Variants in VCPKMT observed in about 807,000 individuals in gnomAD.
VCPKMT encodes protein N-lysine methyltransferase METTL21D.
In VCPKMT, 32 loss-of-function variants were observed where a neutral mutation model predicts 28.6. The ratio of observed to expected loss-of-function variants is 1.12; its 90% CI spans 0.84 to 1.50. VCPKMT has a LOEUF of 1.50. VCPKMT is among the 40% of genes most tolerant of loss of function. VCPKMT has a pLI of 0.00. For missense variants in VCPKMT, 366 were observed against 285.0 expected (o/e 1.28, Z -2.05); for synonymous variants, 138 against 111.4 (o/e 1.24, Z -1.50).
intron 4 of VCPKMT, among the ~76,000 whole-genome samples, chr14:50,113,794 C>G (rs538327238): frequency 0.011 from 90 of 8,326 alleles, no homozygotes; most frequent in Non-Finnish European, 0.017. Context: ...TACTTGGGGG[C>G]GGGGGGGGGG....
chr14:50,105,692 T>C (rs969397509), downstream of VCPKMT, among the ~76,000 whole-genome samples: 55 of 152,148 alleles, frequency 3.6e-4, no homozygotes, highest in African/African-American at 1.3e-3. Flanking sequence ...ATATGATCCA[T>C]GGACCCTTGG....
downstream of VCPKMT, among the ~76,000 whole-genome samples, chr14:50,106,947 T>C (rs1566801897): frequency 6.6e-6 from 1 of 152,192 alleles, no homozygotes; most frequent in Admixed American, 6.6e-5. Flanking sequence ...CTCAAGCTCC[T>C]GGGCTCAAGT....
chr14:50,113,488 G>C (rs1199354453), intron 4 of VCPKMT: 1 of 151,826 alleles, frequency 6.6e-6, no homozygotes, highest in East Asian at 1.9e-4. Context: ...ATAGATTTGT[G>C]CCCATATAAG....
chr14:50,102,761 T>C, the VCPKMT span, among the ~76,000 whole-genome samples: 28 of 152,246 alleles, frequency 1.8e-4, no homozygotes, highest in Non-Finnish European at 2.9e-4. Flanking sequence ...AGAAATATCC[T>C]TGTTTTCAAC....
At chr14:50,103,343 CAT>C in the VCPKMT span, among the ~76,000 whole-genome samples, 1 of 152,236 alleles carries the variant, frequency 6.6e-6, no homozygotes, top group Admixed American at 6.5e-5. Flanking sequence ...CTGCTACAAA[CAT>C]ATTTTAAAGT....
In VCPKMT at chr14:50,108,770, A is replaced by T. The variant is rs773334771; in HGVS notation, c.*929T>A. The T allele has an allele frequency of 1.0e-6, 1 of 985,742 alleles. No individual in the cohort carries two copies. Among genetic ancestry groups the T allele is most frequent in the Non-Finnish European group, 1.2e-6 (1 of 829,924 alleles). 61.1% of individuals were successfully genotyped at this position (985,742 alleles called of 1,614,324 possible). A position where few individuals can be genotyped will look rare whatever the true frequency, so the allele number is the denominator to read the frequency against. ...AGTCCTTGACAGATTATTGTATATG[A>T]GCGAATGGCTTCATAACATAAAACA... On this transcript the variant is annotated 3_prime_UTR_variant, in exon 6 of 6. Coordinates refer to ENST00000395860, the MANE Select transcript of VCPKMT (RefSeq NM_024558.3).
In VCPKMT at chr14:50,112,205, T is replaced by G. The variant is rs188626837; in HGVS notation, c.675+410A>C. On this transcript the variant is annotated intron_variant, in intron 5 of 5. Coordinates refer to ENST00000395860, the MANE Select transcript of VCPKMT (RefSeq NM_024558.3). Reference sequence around the variant, plus strand: ...ACTTGTCTGAGGTAATACCCAATTATAGAGCTATACAATTTACGCCTATGG... The same window carrying G: ...ACTTGTCTGAGGTAATACCCAATTAGAGAGCTATACAATTTACGCCTATGG... 520 of 350,050 alleles carry G rather than the reference T, an allele frequency of 1.5e-3. 2 individuals carry two copies. Among genetic ancestry groups the G allele is most frequent in the African/African-American group, 0.011 (481 of 45,172 alleles). 21.7% of individuals were successfully genotyped at this position (350,050 alleles called of 1,614,324 possible). A position where few individuals can be genotyped will look rare whatever the true frequency, so the allele number is the denominator to read the frequency against.
intron 5 of VCPKMT, among the ~76,000 whole-genome samples, chr14:50,112,393 GAGAAAAAA>G (rs1157693397): frequency 5.3e-5 from 3 of 56,416 alleles, no homozygotes; most frequent in Admixed American, 2.5e-4. Context: ...TAAAAAATAC[GAGAAAAAA>G]AAAAAAAAAA....
At chr14:50,106,475 T>C, downstream of VCPKMT, 5 of 869,116 alleles carry the variant, frequency 5.8e-6, no homozygotes, top group Non-Finnish European at 6.9e-6. Context: ...AACCACGTCG[T>C]CCCCTCCTTC....
chr14:50,114,279 A>T lies in VCPKMT; in HGVS notation c.570+6T>A. 1 of 1,581,638 alleles carries T rather than the reference A, an allele frequency of 6.3e-7. No individual in the cohort carries two copies. The highest frequency in any genetic ancestry group is 1.2e-5 in the South Asian group (1 of 83,332). On this transcript the variant is annotated splice_donor_region_variant and intron_variant, in intron 4 of 5. Coordinates refer to ENST00000395860, the MANE Select transcript of VCPKMT (RefSeq NM_024558.3). Reference sequence around the variant, plus strand: ...CTACAAAGATAATAGAGTACTTAATACTTACCTCAAAATATTTTTTCTCAA... The same window carrying T: ...CTACAAAGATAATAGAGTACTTAATTCTTACCTCAAAATATTTTTTCTCAA...
At chr14:50,111,172 T>TA in intron 5 of VCPKMT, 2 of 903,682 alleles carry the variant, frequency 2.2e-6, no homozygotes, top group Non-Finnish European at 2.5e-6. Flanking sequence ...TAAGAGTTTT[T>TA]TTTTTTGGCC....
chr14:50,111,167 GTTTT>G (rs55665344), intron 5 of VCPKMT: 2 of 816,540 alleles, frequency 2.4e-6, no homozygotes, highest in East Asian at 2.5e-4. Flanking sequence ...AAAAATAAGA[GTTTT>G]TTTTTTTGGC....
rs73289737 is a variant in VCPKMT, at chr14:50,109,589, C to G, written c.*110G>C. 6.9e-7 allele frequency: 1 copy of G among 1,455,082 alleles called. No individual in the cohort carries two copies. The highest frequency in any genetic ancestry group is 1.5e-5 in the African/African-American group (1 of 68,246). The allele number at this position is 1,455,082 out of a possible 1,614,324, so 90.1% of individuals were successfully genotyped here. A position where few individuals can be genotyped will look rare whatever the true frequency, so the allele number is the denominator to read the frequency against. ...TATACATCGGATCTCTAAGGACGTG[C>G]CGGAAAAAAAAATCTGTGAACACAA... On this transcript the variant is annotated 3_prime_UTR_variant, in exon 6 of 6. Coordinates refer to ENST00000395860, the MANE Select transcript of VCPKMT (RefSeq NM_024558.3).
intron 4 of VCPKMT, 79 bp from the exon 5 acceptor site, chr14:50,112,798 A>AC: frequency 9.4e-7 from 1 of 1,064,988 alleles, no homozygotes; most frequent in Non-Finnish European, 1.3e-6. Context: ...AATGCTGGTT[A>AC]CTTTTTTTTT....
chr14:50,106,591 T>TA, downstream of VCPKMT: 1 of 985,340 alleles, frequency 1.0e-6, no homozygotes, highest in Non-Finnish European at 1.2e-6. Flanking sequence ...ATCACTCCTC[T>TA]AATTCTGTCT....
chr14:50,106,581 A>G, downstream of VCPKMT: 1 of 985,422 alleles, frequency 1.0e-6, no homozygotes, highest in African/African-American at 1.7e-5. Context: ...CAGTTCCCAC[A>G]TCACTCCTCT....
At chr14:50,116,233 G>A in intron 1 of VCPKMT, 54 bp from the exon 2 acceptor site, 1 of 1,611,884 alleles carries the variant, frequency 6.2e-7, no homozygotes, top group Non-Finnish European at 8.5e-7. Context: ...CCTGTAATCC[G>A]GATTTCCCCA....
chr14:50,106,406 C>T (rs1882321111), downstream of VCPKMT, among the ~76,000 whole-genome samples: 1 of 152,250 alleles, frequency 6.6e-6, no homozygotes, highest in Admixed American at 6.5e-5. Context: ...TGGGAATTAG[C>T]TGTGTCCTGG....
chr14:50,106,995 C>T (rs1325855695), downstream of VCPKMT, among the ~76,000 whole-genome samples: 1 of 152,240 alleles, frequency 6.6e-6, no homozygotes, highest in African/African-American at 2.4e-5. Flanking sequence ...GCTGGGATTA[C>T]AGGCATGAGC....
Sources: gnomAD v4.1 joint callset for allele counts (sites outside exome capture counted in the v4.1 genomes callset) on GRCh38, gnomAD v4.1.1 for gene constraint, MANE v1.5 for transcripts, NCBI Gene and HGNC (gene_info 2026-07-23, HGNC 2026-07-21) for gene names.